Variants in STK32A observed in about 807,000 individuals in gnomAD.
STK32A encodes the protein serine/threonine-protein kinase 32A.
In STK32A, 41 loss-of-function variants were observed where a neutral mutation model predicts 53.2. That is an observed-to-expected ratio of 0.77 (90% CI 0.60 to 1.00). STK32A has a LOEUF of 1.00. Ranked by LOEUF, STK32A falls within the 50% of genes least tolerant of loss-of-function variation. The probability of loss-of-function intolerance (pLI) is 0.00; values close to 1 mark genes in which losing one functional copy is unlikely to be tolerated. For missense variants in STK32A, 458 were observed against 485.8 expected (o/e 0.94, Z 0.54); for synonymous variants, 166 against 162.8 (o/e 1.02, Z -0.15).
intron 4 of STK32A, among the ~76,000 whole-genome samples, chr5:147,307,513 T>C (rs977167189): frequency 1.3e-5 from 2 of 151,794 alleles, no homozygotes; most frequent in Admixed American, 6.6e-5. Flanking sequence ...TCCCAGCTAC[T>C]TGGGAAGCTG....
intron 4 of STK32A, among the ~76,000 whole-genome samples, chr5:147,301,443 A>G (rs995917951): frequency 6.6e-6 from 1 of 152,166 alleles, no homozygotes; most frequent in Non-Finnish European, 1.5e-5. Flanking sequence ...TTCCTTTGCT[A>G]GAAATGAAAT....
intron 4 of STK32A, among the ~76,000 whole-genome samples, chr5:147,309,331 T>G (rs1242983466): frequency 2.6e-5 from 4 of 152,158 alleles, no homozygotes; most frequent in Non-Finnish European, 4.4e-5. Context: ...CCACTGAGAA[T>G]GAAGGTGGTC....
At chr5:147,389,855 A>G (rs1757755651), downstream of STK32A, among the ~76,000 whole-genome samples, 1 of 152,144 alleles carries the variant, frequency 6.6e-6, no homozygotes, top group South Asian at 2.1e-4. Flanking sequence ...TGGGCAACAG[A>G]GGGACACTCA....
Position 147,343,042 on chromosome 5 carries a change from T to C in STK32A, c.471T>C (p.His157=), listed in dbSNP as rs187651035. The C allele has an allele frequency of 2.0e-5, 33 of 1,613,382 alleles. No homozygotes were observed. In the East Asian group the frequency reaches 2.9e-4, roughly 14 times the overall value. Residue 157 remains histidine (H), a splice_region_variant and synonymous_variant, in exon 6 of 13, where the codon CAT becomes CAC. Transcript: ENST00000397936. ...MKPDNILLDE[H]GHVHITDFNI... Reference sequence around the variant, plus strand: ...CTGACAATATTTTACTTGACGAACATGGTAAGTGAGTGATTTGTTTGCAAT... The same window carrying C: ...CTGACAATATTTTACTTGACGAACACGGTAAGTGAGTGATTTGTTTGCAAT...
intron 5 of STK32A, among the ~76,000 whole-genome samples, chr5:147,339,845 T>C (rs925647595): frequency 1.1e-4 from 17 of 151,744 alleles, no homozygotes; most frequent in Non-Finnish European, 1.8e-4. Context: ...ATTTACCCAC[T>C]GCCTGTAACC....
intron 4 of STK32A, among the ~76,000 whole-genome samples, chr5:147,314,237 C>T (rs1424454545): frequency 6.6e-6 from 1 of 152,030 alleles, no homozygotes; most frequent in African/African-American, 2.4e-5. Flanking sequence ...GTGGCTCATG[C>T]CTGTAATCCC....
At chr5:147,251,714 C>T (rs1754007890) in intron 2 of STK32A, among the ~76,000 whole-genome samples, 1 of 152,202 alleles carries the variant, frequency 6.6e-6, no homozygotes. Flanking sequence ...CATTCATCTT[C>T]GCTTCTGCCG....
At chr5:147,353,487 T>C (rs751889084) in intron 7 of STK32A, among the ~76,000 whole-genome samples, 2 of 151,724 alleles carry the variant, frequency 1.3e-5, no homozygotes, top group African/African-American at 4.8e-5. Context: ...CTTGGCGGGG[T>C]GCGGTGGCTC....
At chr5:147,399,485 A>C in the STK32A span, among the ~76,000 whole-genome samples, 1 of 152,142 alleles carries the variant, frequency 6.6e-6, no homozygotes, top group Non-Finnish European at 1.5e-5. Flanking sequence ...CTGCCCCTGA[A>C]GTATGCATTT....
chr5:147,283,966 C>T (rs776161327), intron 4 of STK32A, among the ~76,000 whole-genome samples: 7 of 151,956 alleles, frequency 4.6e-5, no homozygotes, highest in Non-Finnish European at 7.4e-5. Context: ...AAGAACATAA[C>T]CTAAAAAGAA....
chr5:147,306,898 A>G (rs553681218), intron 4 of STK32A, among the ~76,000 whole-genome samples: 1 of 152,318 alleles, frequency 6.6e-6, no homozygotes, highest in South Asian at 2.1e-4. Flanking sequence ...ATAGGCATAT[A>G]GCCTACATGT....
chr5:147,328,186 G>A (rs1424326879), intron 5 of STK32A, among the ~76,000 whole-genome samples: 1 of 152,224 alleles, frequency 6.6e-6, no homozygotes, highest in Admixed American at 6.5e-5. Flanking sequence ...AGCAAGAGGA[G>A]CTCAATGGAT....
intron 5 of STK32A, among the ~76,000 whole-genome samples, chr5:147,335,910 TG>T (rs1755096514): frequency 1.3e-5 from 2 of 152,200 alleles, no homozygotes; most frequent in African/African-American, 2.4e-5. Context: ...ATTAAGAGAA[TG>T]AAGAATGCGT....
At chr5:147,398,764 A>G in the STK32A span, among the ~76,000 whole-genome samples, 67,427 of 151,962 alleles carry the variant, frequency 0.44, 15,358 homozygotes, top group East Asian at 0.55. Context: ...CGTACACCAC[A>G]TCTAGGGGAA....
intron 2 of STK32A, among the ~76,000 whole-genome samples, chr5:147,258,932 T>C (rs1177445897): frequency 2.6e-5 from 4 of 152,178 alleles, no homozygotes; most frequent in African/African-American, 9.7e-5. Flanking sequence ...TTATTATTAT[T>C]ATTATTCTGT....
chr5:147,251,878 C>T (rs1049363711), intron 2 of STK32A, among the ~76,000 whole-genome samples: 1 of 152,140 alleles, frequency 6.6e-6, no homozygotes, highest in Non-Finnish European at 1.5e-5. Context: ...TTAAGGACAA[C>T]AATTCCAATG....
At chr5:147,236,684 G>T (rs1229149738) in intron 1 of STK32A, among the ~76,000 whole-genome samples, 1 of 152,190 alleles carries the variant, frequency 6.6e-6, no homozygotes, top group Non-Finnish European at 1.5e-5. Flanking sequence ...ACACAAAAAT[G>T]GTTCCCTGTT....
intron 5 of STK32A, among the ~76,000 whole-genome samples, chr5:147,338,132 A>G (rs1755228876): frequency 1.3e-5 from 2 of 152,172 alleles, no homozygotes; most frequent in South Asian, 2.1e-4. Context: ...TCCAAATCTC[A>G]TCTTGAATTG....
the STK32A span, chr5:147,397,795 C>A: frequency 6.2e-7 from 1 of 1,613,978 alleles, no homozygotes; most frequent in Admixed American, 1.7e-5. Flanking sequence ...AGATGACAAC[C>A]AGAGGAGCCC....
Sources: allele counts gnomAD v4.1 joint callset (sites outside exome capture counted in the v4.1 genomes callset), GRCh38; gene constraint gnomAD v4.1.1; transcripts MANE v1.5; gene names NCBI Gene and HGNC (gene_info 2026-07-23, HGNC 2026-07-21).